ADAM7: variants seen among roughly 807,000 people sequenced by gnomAD.
ADAM7 encodes disintegrin and metalloproteinase domain-containing protein 7.
ADAM7 carries 97 observed loss-of-function variants against 102.9 expected under a neutral mutation model. The observed-to-expected ratio is 0.94, with a 90% CI of 0.80 to 1.12. ADAM7 has a LOEUF of 1.12. Ranked by LOEUF, ADAM7 falls within the 50% of genes most tolerant of loss-of-function variation. The pLI is 0.00. For missense variants in ADAM7, 991 were observed against 908.7 expected (o/e 1.09, Z -1.16); for synonymous variants, 334 against 304.4 (o/e 1.10, Z -1.01).
intron 7 of ADAM7, among the ~76,000 whole-genome samples, chr8:24,473,587 T>C (rs1278795273): frequency 6.6e-6 from 1 of 152,284 alleles, no homozygotes; most frequent in African/African-American, 2.4e-5. Context: ...AGGAAACTTA[T>C]AAAAAGATAT....
chr8:24,500,685 C>T, intron 18 of ADAM7, 105 bp from the exon 19 acceptor site: 2 of 832,746 alleles, frequency 2.4e-6, no homozygotes, highest in East Asian at 2.6e-5. Context: ...AATTGAAGTT[C>T]TATAGAAAGG....
intron 3 of ADAM7, among the ~76,000 whole-genome samples, chr8:24,451,751 AT>A (rs1818799785): frequency 1.3e-5 from 2 of 149,794 alleles, no homozygotes; most frequent in African/African-American, 4.9e-5. Flanking sequence ...TAGGGTGTCA[AT>A]TTTGGATCTT....
chr8:24,452,810 C>T (rs368127296), intron 3 of ADAM7, among the ~76,000 whole-genome samples: 15 of 149,684 alleles, frequency 1.0e-4, no homozygotes, highest in African/African-American at 3.5e-4. Context: ...TTCCATGTTT[C>T]GTGCTTCCTT....
intron 17 of ADAM7, among the ~76,000 whole-genome samples, chr8:24,499,595 T>C (rs113139159): frequency 2.6e-5 from 4 of 152,270 alleles, no homozygotes; most frequent in Non-Finnish European, 5.9e-5. Flanking sequence ...GTATAAAGTT[T>C]AAATCTGATG....
intron 3 of ADAM7, among the ~76,000 whole-genome samples, chr8:24,453,083 A>G (rs949318031): frequency 6.6e-6 from 1 of 150,874 alleles, no homozygotes; most frequent in African/African-American, 2.4e-5. Context: ...TGCCCTTAAC[A>G]TTTTTTCCTT....
chr8:24,500,404 G>T (rs4242407), intron 18 of ADAM7, 148 bp downstream of exon 18: 194,846 of 640,788 alleles, frequency 0.3, 31,759 homozygotes, highest in South Asian at 0.39. Flanking sequence ...TACCCAAATT[G>T]ATTTTACTGC....
At chr8:24,500,980 G>C in intron 19 of ADAM7, 85 bp downstream of exon 19, 1 of 1,135,632 alleles carries the variant, frequency 8.8e-7, no homozygotes, top group Non-Finnish European at 1.3e-6. Context: ...ATATTCAATG[G>C]GGGGAAGTAT....
chr8:24,464,209 A>C (rs2129381225), intron 4 of ADAM7, among the ~76,000 whole-genome samples: 1 of 152,258 alleles, frequency 6.6e-6, no homozygotes, highest in South Asian at 2.1e-4. Flanking sequence ...ATTTCTGTAC[A>C]CTCAATATGG....
chr8:24,467,144 C>A, intron 6 of ADAM7, 156 bp downstream of exon 6: 2 of 696,298 alleles, frequency 2.9e-6, no homozygotes, highest in South Asian at 1.9e-5. Context: ...TTTTTCTTGT[C>A]TATGTAAAAA....
At chr8:24,501,255 T>C (rs1043754031) in intron 19 of ADAM7, among the ~76,000 whole-genome samples, 1 of 152,192 alleles carries the variant, frequency 6.6e-6, no homozygotes, top group Admixed American at 6.6e-5. Context: ...CCATAATTTC[T>C]GATTCTTCCC....
chr8:24,452,966 T>A (rs1451393786), intron 3 of ADAM7, among the ~76,000 whole-genome samples: 70 of 150,762 alleles, frequency 4.6e-4, no homozygotes, highest in Non-Finnish European at 8.6e-4. Flanking sequence ...TTTAAGAATG[T>A]TGAATATTGG....
chr8:24,456,367 T>C (rs1045596116), intron 3 of ADAM7, among the ~76,000 whole-genome samples: 1 of 152,234 alleles, frequency 6.6e-6, no homozygotes, highest in Non-Finnish European at 1.5e-5. Context: ...TCTTTATCTA[T>C]TCATCTGTCG....
At chr8:24,476,829 T>C (rs916513205) in intron 8 of ADAM7, among the ~76,000 whole-genome samples, 4 of 152,184 alleles carry the variant, frequency 2.6e-5, no homozygotes, top group Admixed American at 1.3e-4. Context: ...CTCTGTGACG[T>C]TGTATAACAA....
rs60219377 is a variant in ADAM7 at position 24,477,569 on chromosome 8, A to AGTGTGTGAGTGTGTGTGTGTGTGT, written c.705+1072_705+1073insAGTGTGTGTGTGTGTGTGTGTGTG. ...TGTGTCCCTTGGGCATACCCTCATC[A>AGTGTGTGAGTGTGTGTGTGTGTGT]GTGTGTGTGTGTGTGTGTGTGTGTG... On this transcript the variant is annotated intron_variant, in intron 8 of 21. Transcript: ENST00000175238. 5.5e-3 allele frequency among the ~76,000 whole-genome samples: 805 copies of AGTGTGTGAGTGTGTGTGTGTGTGT among 145,652 alleles called. 5 individuals carry two copies. Among genetic ancestry groups the AGTGTGTGAGTGTGTGTGTGTGTGT allele is most frequent in the Middle Eastern group, 0.021 (6 of 290 alleles).
At chr8:24,445,609 T>C (rs906704944) in intron 2 of ADAM7, among the ~76,000 whole-genome samples, 1 of 152,230 alleles carries the variant, frequency 6.6e-6, no homozygotes, top group Non-Finnish European at 1.5e-5. Flanking sequence ...CAGCCTTAAA[T>C]GGTTTTCCTG....
intron 9 of ADAM7, 67 bp downstream of exon 9, chr8:24,482,378 T>C: frequency 1.4e-6 from 2 of 1,440,074 alleles, no homozygotes; most frequent in Non-Finnish European, 1.8e-6. Flanking sequence ...AAAAAAAAAT[T>C]AACAGAAAAA....
At chr8:24,449,574 G>A (rs568134813) in intron 3 of ADAM7, among the ~76,000 whole-genome samples, 11 of 152,228 alleles carry the variant, frequency 7.2e-5, no homozygotes, top group African/African-American at 2.4e-4. Context: ...TGCAGGTTGC[G>A]AAAATTTTCT....
chr8:24,453,926 G>A (rs1818901110), intron 3 of ADAM7, among the ~76,000 whole-genome samples: 1 of 152,240 alleles, frequency 6.6e-6, no homozygotes, highest in Non-Finnish European at 1.5e-5. Context: ...CTCCAGACCT[G>A]TTTGCCTGGG....
chr8:24,508,722 G>C lies in ADAM7; in HGVS notation c.*176G>C. The C allele has an allele frequency of 7.0e-7, 1 of 1,425,112 alleles. No individual in the cohort carries two copies. The highest frequency in any genetic ancestry group is 2.7e-5 in the Admixed American group (1 of 36,404). The allele number at this position is 1,425,112 out of a possible 1,614,324, so 88.3% of individuals were successfully genotyped here. ...CAACTTATTTCTGTTAATATTTACC[G>C]GTAGAATTCACACCCTCTATCATAA... On this transcript the variant is annotated 3_prime_UTR_variant, in exon 22 of 22. Coordinates refer to ENST00000175238, the MANE Select transcript of ADAM7 (RefSeq NM_003817.4).
Sources: gnomAD v4.1 joint callset for allele counts (sites outside exome capture counted in the v4.1 genomes callset) on GRCh38, gnomAD v4.1.1 for gene constraint, MANE v1.5 for transcripts, NCBI Gene and HGNC (gene_info 2026-07-23, HGNC 2026-07-21) for gene names.